Variants in LRRTM4 observed in about 807,000 individuals in gnomAD.
LRRTM4 encodes the protein leucine-rich repeat transmembrane neuronal protein 4.
In LRRTM4, 25 loss-of-function variants were observed where a neutral mutation model predicts 47.6. The observed-to-expected ratio is 0.53, with a 90% CI of 0.38 to 0.73. The LOEUF (loss-of-function observed/expected upper bound fraction) is 0.73, where lower values mean the gene tolerates loss of function less well. Ranked by LOEUF, LRRTM4 falls within the 30% of genes least tolerant of loss-of-function variation. LRRTM4 has a pLI of 0.00. For synonymous variants in LRRTM4, 311 were observed against 269.5 expected, an observed-to-expected ratio of 1.15 and a Z score of -1.51; for missense variants, 638 against 713.4, an observed-to-expected ratio of 0.89 and a Z score of 1.20.
chr2:76,805,943 C>T (rs962384635), intron 3 of LRRTM4, among the ~76,000 whole-genome samples: 2 of 152,122 alleles, frequency 1.3e-5, no homozygotes, highest in Non-Finnish European at 2.9e-5. Flanking sequence ...ATTGTGGTCT[C>T]ACCTGATTTC....
intron 3 of LRRTM4, among the ~76,000 whole-genome samples, chr2:77,171,281 CTTG>C (rs1459164752): frequency 6.6e-6 from 1 of 151,644 alleles, no homozygotes; most frequent in Non-Finnish European, 1.5e-5. Context: ...TGCTTGCTTG[CTTG>C]TTTGTTTTTT....
rs553140330 is a variant in LRRTM4 at position 77,144,312 on chromosome 2, A to G, written c.1551+374006T>C. Among the ~76,000 whole-genome samples, 117 of 152,108 alleles carry G rather than the reference A, an allele frequency of 7.7e-4. 1 individual carries two copies. In the South Asian group the frequency reaches 0.011, roughly 14 times the overall value. On this transcript the variant is annotated intron_variant, in intron 3 of 3. Transcript: ENST00000409884. ...AATACCTGAAAACTGCTTGCTAACC[A>G]CACTCTTCACGACCAAGGCCACAGA...
At chr2:77,091,234 C>T (rs1281026172) in intron 3 of LRRTM4, among the ~76,000 whole-genome samples, 5 of 150,286 alleles carry the variant, frequency 3.3e-5, no homozygotes, top group African/African-American at 1.2e-4. Flanking sequence ...TCCTTTGCGT[C>T]CTCCTCTTGT....
At chr2:76,896,213 A>AAC (rs370633581) in intron 3 of LRRTM4, among the ~76,000 whole-genome samples, 2,075 of 151,102 alleles carry the variant, frequency 0.014, 47 homozygotes, top group African/African-American at 0.048. Flanking sequence ...CACACACACA[A>AAC]ACACACACAC....
intron 3 of LRRTM4, among the ~76,000 whole-genome samples, chr2:76,852,006 C>T (rs1573211394): frequency 6.6e-6 from 1 of 152,144 alleles, no homozygotes; most frequent in East Asian, 1.9e-4. Context: ...ATTGCATGTA[C>T]ATTAAAGACT....
At chr2:77,124,920 C>T (rs1421352852) in intron 3 of LRRTM4, among the ~76,000 whole-genome samples, 1 of 152,130 alleles carries the variant, frequency 6.6e-6, no homozygotes, top group Non-Finnish European at 1.5e-5. Flanking sequence ...CAGGAATAAG[C>T]ATACAGAGAT....
intron 3 of LRRTM4, among the ~76,000 whole-genome samples, chr2:76,900,021 G>C (rs1673569051): frequency 6.6e-6 from 1 of 152,106 alleles, no homozygotes; most frequent in Non-Finnish European, 1.5e-5. Flanking sequence ...TTGAGGATAG[G>C]AGTTTGAGAC....
intron 3 of LRRTM4, among the ~76,000 whole-genome samples, chr2:77,114,556 T>A (rs1671336135): frequency 6.6e-6 from 1 of 152,080 alleles, no homozygotes; most frequent in Non-Finnish European, 1.5e-5. Flanking sequence ...CCACATGCAC[T>A]TAGGAAAAAG....
chr2:76,898,553 CAAAAAAA>C (rs56345618), intron 3 of LRRTM4, among the ~76,000 whole-genome samples: 1,492 of 63,580 alleles, frequency 0.023, 30 homozygotes, highest in African/African-American at 0.085. Context: ...AGCTCCGTCT[CAAAAAAA>C]AAAAAAAAAA....
chr2:76,846,492 C>T (rs1414863836), intron 3 of LRRTM4, among the ~76,000 whole-genome samples: 1 of 152,144 alleles, frequency 6.6e-6, no homozygotes, highest in Admixed American at 6.5e-5. Context: ...TACATTCTAA[C>T]ATCTGTTAGA....
At chr2:77,433,238 TGAA>T (rs1227118106) in intron 3 of LRRTM4, among the ~76,000 whole-genome samples, 2 of 152,120 alleles carry the variant, frequency 1.3e-5, no homozygotes, top group Non-Finnish European at 2.9e-5. Context: ...GCTGCTGCCC[TGAA>T]GAAGAACTTG....
intron 3 of LRRTM4, among the ~76,000 whole-genome samples, chr2:76,804,495 T>A (rs1293105595): frequency 2.0e-5 from 3 of 151,946 alleles, no homozygotes; most frequent in Non-Finnish European, 4.4e-5. Flanking sequence ...ATCAGCCATA[T>A]TCTGTCCTGA....
chr2:76,880,196 C>A lies in LRRTM4; in HGVS notation c.1552-131280G>T, dbSNP rs188194631. ...AAGAAATTCTACTGTGGGTGAAATG[C>A]GGGTACAGCATCACATGCCACAGAA... On this transcript the variant is annotated intron_variant, in intron 3 of 3. Coordinates refer to ENST00000409884, the MANE Select transcript of LRRTM4 (RefSeq NM_001134745.3). Among the ~76,000 whole-genome samples the A allele has an allele frequency of 4.1e-3, 619 of 152,188 alleles. 7 individuals are homozygous for A. The highest frequency in any genetic ancestry group is 0.014 in the African/African-American group (586 of 41,534).
At chr2:77,047,704 G>A (rs376732117) in intron 3 of LRRTM4, among the ~76,000 whole-genome samples, 3 of 151,814 alleles carry the variant, frequency 2.0e-5, no homozygotes, top group African/African-American at 4.8e-5. Context: ...ATATTACATC[G>A]GCAATGACTC....
At chr2:77,417,895 A>G (rs999006826) in intron 3 of LRRTM4, among the ~76,000 whole-genome samples, 2 of 152,158 alleles carry the variant, frequency 1.3e-5, no homozygotes, top group Non-Finnish European at 2.9e-5. Context: ...CATGTACCCT[A>G]AAACTTAAAG....
At chr2:77,164,077 G>C (rs1672810159) in intron 3 of LRRTM4, among the ~76,000 whole-genome samples, 1 of 152,140 alleles carries the variant, frequency 6.6e-6, no homozygotes, top group South Asian at 2.1e-4. Context: ...CTCACATGCA[G>C]AGACACACAT....
At chr2:76,912,406 A>G (rs1674101847) in intron 3 of LRRTM4, among the ~76,000 whole-genome samples, 1 of 152,192 alleles carries the variant, frequency 6.6e-6, no homozygotes, top group South Asian at 2.1e-4. Flanking sequence ...TCTTACAAAT[A>G]TTTAGCTGTT....
chr2:77,110,302 C>T (rs7593550), intron 3 of LRRTM4, among the ~76,000 whole-genome samples: 92,426 of 151,952 alleles, frequency 0.61, 29,148 homozygotes, highest in African/African-American at 0.78. Context: ...TCAGCAAAAC[C>T]ACTGTATAAA....
chr2:76,834,583 G>A (rs1013529656), intron 3 of LRRTM4, among the ~76,000 whole-genome samples: 1 of 151,866 alleles, frequency 6.6e-6, no homozygotes, highest in Non-Finnish European at 1.5e-5. Flanking sequence ...TATTTTCAAT[G>A]TCATTTAGAT....
Sources: gnomAD v4.1 joint callset for allele counts (sites outside exome capture counted in the v4.1 genomes callset) on GRCh38, gnomAD v4.1.1 for gene constraint, MANE v1.5 for transcripts, NCBI Gene and HGNC (gene_info 2026-07-23, HGNC 2026-07-21) for gene names.